Variants in FGFR1 observed in about 807,000 individuals in gnomAD.
FGFR1 encodes the protein fibroblast growth factor receptor 1.
In FGFR1, 18 loss-of-function variants were observed where a neutral mutation model predicts 93.7. The ratio of observed to expected loss-of-function variants is 0.19; its 90% CI spans 0.13 to 0.28. The LOEUF (loss-of-function observed/expected upper bound fraction) is 0.28, where lower values mean the gene tolerates loss of function less well. FGFR1 is among the 10% of genes least tolerant of loss of function. The probability of loss-of-function intolerance (pLI) is 1.00; values close to 1 mark genes in which losing one functional copy is unlikely to be tolerated. For synonymous variants in FGFR1, 448 were observed against 429.3 expected (o/e 1.04, Z -0.54); for missense variants, 731 against 1,080.4 (o/e 0.68, Z 4.53).
intron 1 of FGFR1, chr8:38,463,405 C>G (rs892028410): frequency 1.0e-5 from 2 of 197,226 alleles, no homozygotes; most frequent in African/African-American, 2.3e-5. Context: ...AATTTGCAAA[C>G]CACATTACTA....
intron 2 of FGFR1, among the ~76,000 whole-genome samples, chr8:38,446,004 G>A (rs1484539358): frequency 6.6e-6 from 1 of 152,098 alleles, no homozygotes; most frequent in Admixed American, 6.5e-5. Context: ...CACCAGAGGA[G>A]GAGAAGGACA....
At chr8:38,466,354 G>C (rs761190792) in intron 1 of FGFR1, among the ~76,000 whole-genome samples, 2 of 152,256 alleles carry the variant, frequency 1.3e-5, no homozygotes, top group African/African-American at 2.4e-5. Context: ...ACAAGGGAGA[G>C]AAAGCAACGC....
At chr8:38,431,001 T>G (rs1822895175) in intron 2 of FGFR1, among the ~76,000 whole-genome samples, 1 of 152,204 alleles carries the variant, frequency 6.6e-6, no homozygotes, top group South Asian at 2.1e-4. Context: ...TATTTCCTTT[T>G]AGGATGTTCA....
At chr8:38,427,512 T>G (rs756758661) in intron 5 of FGFR1, among the ~76,000 whole-genome samples, 4 of 152,210 alleles carry the variant, frequency 2.6e-5, no homozygotes, top group Non-Finnish European at 4.4e-5. Context: ...ACTCCTGAGC[T>G]CAGGCAATCC....
intron 9 of FGFR1, among the ~76,000 whole-genome samples, chr8:38,419,277 A>T (rs1478720211): frequency 1.4e-5 from 2 of 139,808 alleles, no homozygotes; most frequent in Non-Finnish European, 3.3e-5. Flanking sequence ...CATTCTGTCC[A>T]AATAGGACTT....
intron 7 of FGFR1, chr8:38,422,720 TCAC>T: frequency 2.7e-6 from 1 of 370,338 alleles, no homozygotes; most frequent in Non-Finnish European, 4.9e-6. Context: ...CTTCTCTTAA[TCAC>T]CACTCACTCA....
chr8:38,446,862 A>G (rs1829453978), intron 2 of FGFR1, among the ~76,000 whole-genome samples: 1 of 152,196 alleles, frequency 6.6e-6, no homozygotes, highest in Non-Finnish European at 1.5e-5. Flanking sequence ...GGCAATACCC[A>G]TACCACACAT....
At chr8:38,430,335 T>C (rs576520313) in intron 2 of FGFR1, 94 of 213,328 alleles carry the variant, frequency 4.4e-4, no homozygotes, top group African/African-American at 2.0e-3. Context: ...TTTGCCAAGA[T>C]TGCCACTTGC....
intron 2 of FGFR1, among the ~76,000 whole-genome samples, chr8:38,436,513 C>T (rs1825479803): frequency 6.6e-6 from 1 of 152,160 alleles, no homozygotes; most frequent in African/African-American, 2.4e-5. Context: ...ACTCAGGCTG[C>T]TGATCTCATT....
At chr8:38,422,795 T>C (rs1819301893) in intron 7 of FGFR1, 1 of 527,548 alleles carries the variant, frequency 1.9e-6, no homozygotes, top group Non-Finnish European at 3.4e-6. Context: ...AGTCCTCACA[T>C]GGATCCACAC....
Position 38,413,690 on chromosome 8 carries a change from C to T in FGFR1, c.2407G>A (p.Glu803Lys), listed in dbSNP as rs765900637. ...DSVFSHEPLP[E>K]EPCLPRHPAQ... ...GGGTGTCGGGGCAGGCAGGGCTCCT[C>T]GGGCAGCGGCTCATGAGAGAAGACG... Residue 803 changes from glutamate to lysine, a missense_variant, in exon 18 of 18, where the codon GAG (glutamate) becomes AAG (lysine). This residue lies in a region of FGFR1 where 79 missense variants were observed against 97.2 expected (regional missense o/e 0.81). Coordinates refer to ENST00000447712, the MANE Select transcript of FGFR1 (RefSeq NM_023110.3). This position sits in a 1 kb window ranked among gnomAD's most constrained non-coding sequence, Gnocchi z 4.2. 1.9e-5 allele frequency: 31 copies of T among 1,613,342 alleles called. No homozygotes were observed. The highest frequency in any genetic ancestry group is 1.1e-4 in the South Asian group (10 of 90,998).
At chr8:38,419,770 G>C (rs2150718011) in intron 8 of FGFR1, 35 bp from the exon 9 acceptor site, 3 of 1,597,310 alleles carry the variant, frequency 1.9e-6, no homozygotes, top group Non-Finnish European at 2.6e-6. Context: ...AGCAGGCTTG[G>C]AGGGCCCCGT....
In FGFR1 at chr8:38,445,674, G is replaced by T. The variant is rs1039223324; in HGVS notation, c.91+11682C>A. On this transcript the variant is annotated intron_variant, in intron 2 of 17. Coordinates refer to ENST00000447712, the MANE Select transcript of FGFR1 (RefSeq NM_023110.3). ...CTGTCTCAGCCTCCAGAGTAGCTGG[G>T]ATTACAGGCGCCTGCCATCACGCCC... Among the ~76,000 whole-genome samples, 3 of 151,698 alleles carry T rather than the reference G, an allele frequency of 2.0e-5. No individual in the cohort carries two copies. The East Asian group carries it at 5.8e-4, about 29-fold the overall frequency.
intron 2 of FGFR1, among the ~76,000 whole-genome samples, chr8:38,444,227 T>C (rs1485042573): frequency 6.6e-6 from 1 of 152,140 alleles, no homozygotes; most frequent in Non-Finnish European, 1.5e-5. Context: ...ACTGGTCTGT[T>C]CCACGAATTT....
At chr8:38,425,596 A>T (rs1479909518) in intron 6 of FGFR1, among the ~76,000 whole-genome samples, 3 of 152,200 alleles carry the variant, frequency 2.0e-5, no homozygotes, top group Non-Finnish European at 4.4e-5. Flanking sequence ...AGGTTGCGGT[A>T]ATAGCTCCAA....
At chr8:38,433,461 C>T (rs1420728365) in intron 2 of FGFR1, among the ~76,000 whole-genome samples, 7 of 152,170 alleles carry the variant, frequency 4.6e-5, no homozygotes, top group Non-Finnish European at 1.0e-4. Flanking sequence ...CAGGCATATG[C>T]CACAATGGCT....
chr8:38,431,054 T>C (rs556685680), intron 2 of FGFR1, among the ~76,000 whole-genome samples: 1 of 152,178 alleles, frequency 6.6e-6, no homozygotes, highest in South Asian at 2.1e-4. Context: ...ACCACCCACA[T>C]CCCGCCCACA....
chr8:38,417,246 AT>A (rs1816993028), intron 12 of FGFR1, 59 bp downstream of exon 12: 3 of 1,351,572 alleles, frequency 2.2e-6, no homozygotes, highest in Non-Finnish European at 2.1e-6. Flanking sequence ...CTTGGGACTG[AT>A]ACCCCAGCTC....
chr8:38,445,424 G>C (rs1354202999), intron 2 of FGFR1, among the ~76,000 whole-genome samples: 2 of 152,156 alleles, frequency 1.3e-5, no homozygotes, highest in Non-Finnish European at 2.9e-5. Flanking sequence ...AGAATGGCTA[G>C]GCCAATAAAT....
Sources: allele counts gnomAD v4.1 joint callset (sites outside exome capture counted in the v4.1 genomes callset), GRCh38; gene constraint gnomAD v4.1.1; regional missense constraint gnomAD v4.1.1; non-coding constraint Gnocchi (gnomAD v3.1); transcripts MANE v1.5; gene names NCBI Gene and HGNC (gene_info 2026-07-23, HGNC 2026-07-21).